Variants in AOPEP observed in about 807,000 individuals in gnomAD.
AOPEP encodes aminopeptidase O (putative).
A neutral mutation model predicts 98.1 loss-of-function variants in AOPEP; 77 were observed. The ratio of observed to expected loss-of-function variants is 0.78; its 90% confidence interval spans 0.65 to 0.95. The LOEUF is 0.95. AOPEP is among the 40% of genes least tolerant of loss of function. The pLI is 0.00. For synonymous variants in AOPEP, 346 were observed against 365.3 expected (o/e 0.95, Z 0.60); for missense variants, 1,024 against 1,024.7 (o/e 1.00, Z 0.01).
intron 1 of AOPEP, among the ~76,000 whole-genome samples, chr9:94,759,218 T>C (rs908075595): frequency 2.6e-5 from 4 of 152,224 alleles, no homozygotes; most frequent in Non-Finnish European, 4.4e-5. Flanking sequence ...GAATAAAATG[T>C]GTGGGGCCAT....
intron 16 of AOPEP, among the ~76,000 whole-genome samples, chr9:95,084,391 C>T (rs1487053813): frequency 2.0e-5 from 3 of 152,204 alleles, no homozygotes; most frequent in South Asian, 2.1e-4. Context: ...GAAAGGGAAA[C>T]GGGACTGAGC....
At chr9:95,041,485 A>C (rs910804457) in intron 13 of AOPEP, among the ~76,000 whole-genome samples, 1 of 65,184 alleles carries the variant, frequency 1.5e-5, no homozygotes, top group Non-Finnish European at 3.4e-5. Context: ...GTGTGTGGAG[A>C]GGGAGAGACA....
intron 2 of AOPEP, among the ~76,000 whole-genome samples, chr9:94,764,538 C>T (rs904719123): frequency 1.3e-5 from 2 of 152,128 alleles, no homozygotes; most frequent in African/African-American, 4.8e-5. Context: ...GTCCCAGCCA[C>T]TTGGGAGGCT....
chr9:95,076,293 C>T (rs570607631), intron 14 of AOPEP, among the ~76,000 whole-genome samples: 1 of 152,328 alleles, frequency 6.6e-6, no homozygotes, highest in South Asian at 2.1e-4. Flanking sequence ...TTAGCAGCCT[C>T]TCAAAGTGAA....
chr9:95,123,444 A>G, the AOPEP span: 1 of 459,574 alleles, frequency 2.2e-6, no homozygotes, highest in African/African-American at 2.0e-5. Flanking sequence ...GGTTGAGACC[A>G]GCCCGGGCAA....
At chr9:95,116,091 C>G in the AOPEP span, among the ~76,000 whole-genome samples, 1 of 152,250 alleles carries the variant, frequency 6.6e-6, no homozygotes, top group South Asian at 2.1e-4. Context: ...CTACAAGTTA[C>G]ACAAACGGAA....
intron 5 of AOPEP, among the ~76,000 whole-genome samples, chr9:94,808,900 G>C (rs1256962578): frequency 2.0e-5 from 3 of 152,252 alleles, no homozygotes; most frequent in African/African-American, 7.2e-5. Flanking sequence ...TCCTCTAAAA[G>C]GACATCTTGA....
chr9:94,942,945 A>G (rs372693783), intron 7 of AOPEP, among the ~76,000 whole-genome samples: 3 of 151,874 alleles, frequency 2.0e-5, no homozygotes, highest in African/African-American at 7.3e-5. Flanking sequence ...CAGTAGCATC[A>G]AAGATAATAA....
chr9:94,987,771 A>G (rs938344202), intron 11 of AOPEP, among the ~76,000 whole-genome samples: 1 of 152,108 alleles, frequency 6.6e-6, no homozygotes, highest in Non-Finnish European at 1.5e-5. Flanking sequence ...GACATGTTTA[A>G]TTCTTGCTTG....
the AOPEP span, among the ~76,000 whole-genome samples, chr9:95,119,819 C>T: frequency 6.6e-6 from 1 of 152,152 alleles, no homozygotes; most frequent in South Asian, 2.1e-4. Flanking sequence ...TCAAGTGATC[C>T]TCCCACCTCA....
the AOPEP span, among the ~76,000 whole-genome samples, chr9:95,136,098 A>G: frequency 6.6e-6 from 1 of 152,224 alleles, no homozygotes; most frequent in Non-Finnish European, 1.5e-5. Context: ...AAATATTTCT[A>G]ACAATTTCAA....
At chr9:95,066,674 G>A (rs2067929110) in intron 14 of AOPEP, among the ~76,000 whole-genome samples, 1 of 152,120 alleles carries the variant, frequency 6.6e-6, no homozygotes, top group Admixed American at 6.5e-5. Context: ...GAGGGCCTCT[G>A]TGTTTGCTCC....
At chr9:94,755,558 G>T (rs1392692516) in intron 1 of AOPEP, among the ~76,000 whole-genome samples, 2 of 152,114 alleles carry the variant, frequency 1.3e-5, no homozygotes, top group Admixed American at 6.5e-5. Context: ...AATCTTCTGG[G>T]GCTGGCTTAA....
intron 5 of AOPEP, among the ~76,000 whole-genome samples, chr9:94,900,014 GT>G (rs1267793402): frequency 6.6e-6 from 1 of 152,182 alleles, no homozygotes; most frequent in Non-Finnish European, 1.5e-5. Flanking sequence ...GAGTCTGTGA[GT>G]CATAGTTCAT....
At chr9:94,808,185 G>A (rs1198356678) in intron 5 of AOPEP, among the ~76,000 whole-genome samples, 3 of 152,000 alleles carry the variant, frequency 2.0e-5, no homozygotes, top group Non-Finnish European at 1.5e-5. Flanking sequence ...GGCTACAGGT[G>A]CACGCTGCTT....
chr9:94,883,863 T>C (rs1038649688), intron 5 of AOPEP, among the ~76,000 whole-genome samples: 8 of 152,250 alleles, frequency 5.3e-5, no homozygotes, highest in Admixed American at 2.6e-4. Context: ...CTGAAGACCA[T>C]GTGAAGAGGA....
the AOPEP span, among the ~76,000 whole-genome samples, chr9:95,137,564 A>G: frequency 2.5e-4 from 38 of 152,106 alleles, no homozygotes; most frequent in Admixed American, 2.4e-3. Flanking sequence ...TCAGATGAAA[A>G]GAAGAGAAGA....
At chr9:94,738,894 T>C (rs1832417778) in intron 1 of AOPEP, among the ~76,000 whole-genome samples, 1 of 152,196 alleles carries the variant, frequency 6.6e-6, no homozygotes, top group African/African-American at 2.4e-5. Context: ...TTTAAATTAA[T>C]GATAAGGACA....
intron 11 of AOPEP, among the ~76,000 whole-genome samples, chr9:95,000,114 A>G (rs1166476200): frequency 2.0e-5 from 3 of 152,202 alleles, no homozygotes; most frequent in Admixed American, 2.0e-4. Context: ...GGCAGGGCCA[A>G]AATCCTCCTA....
Sources: gnomAD v4.1 joint callset for allele counts (sites outside exome capture counted in the v4.1 genomes callset) on GRCh38, gnomAD v4.1.1 for gene constraint, MANE v1.5 for transcripts, NCBI Gene and HGNC (gene_info 2026-07-23, HGNC 2026-07-21) for gene names.